FAM149A: variants seen among roughly 807,000 people sequenced by gnomAD.
The protein encoded by FAM149A is family with sequence similarity 149 member A.
Under a neutral mutation model 78.2 loss-of-function variants are expected in FAM149A, and 71 were observed. That is an observed-to-expected ratio of 0.91 (90% CI 0.75 to 1.11). FAM149A has a LOEUF of 1.11. Ranked by LOEUF, FAM149A falls within the 50% of genes least tolerant of loss-of-function variation. FAM149A has a pLI of 0.00. For missense variants in FAM149A, 1,036 were observed against 971.0 expected, an observed-to-expected ratio of 1.07 and a Z score of -0.89; for synonymous variants, 446 against 410.5, an observed-to-expected ratio of 1.09 and a Z score of -1.04.
chr4:186,119,133 A>G lies in FAM149A; in HGVS notation c.566+13491A>G, dbSNP rs371345914. 1.2e-4 allele frequency among the ~76,000 whole-genome samples: 18 copies of G among 152,294 alleles called. 1 individual carries two copies. Among genetic ancestry groups the G allele is most frequent in the African/African-American group, 4.1e-4 (17 of 41,568 alleles). ...TTCATTTCACGCAGTCAAACCACGC[A>G]CCTTTTTGGATATGCAGAATTTTAC... On this transcript the variant is annotated intron_variant, in intron 1 of 13. Transcript: ENST00000389354.
chr4:186,133,274 T>G, intron 1 of FAM149A: 1 of 854,104 alleles, frequency 1.2e-6, no homozygotes, highest in Non-Finnish European at 1.4e-6. Flanking sequence ...ATTCACAGTG[T>G]TGTGCAGTCA....
intron 1 of FAM149A, among the ~76,000 whole-genome samples, chr4:186,140,147 T>C (rs1386617701): frequency 2.0e-5 from 3 of 152,258 alleles, no homozygotes; most frequent in Non-Finnish European, 2.9e-5. Flanking sequence ...CATTAAGTTA[T>C]CAGCTCAGGA....
intron 8 of FAM149A, among the ~76,000 whole-genome samples, chr4:186,161,568 C>T (rs2126523149): frequency 6.6e-6 from 1 of 152,220 alleles, no homozygotes. Flanking sequence ...GTATGAATAT[C>T]ACACAAAGAG....
rs1442066496 is a variant in FAM149A, at chr4:186,157,653, TG to T, written c.1511del (p.Gly504AlafsTer18). Reference sequence around the variant, plus strand: ...CACACGCTCACGCCGATGGAGCCAGTGGCCCCCCGTCCGGACACGCCGAGGC... The same window carrying T: ...CACACGCTCACGCCGATGGAGCCAGTGCCCCCCGTCCGGACACGCCGAGGC... On this transcript the variant is annotated frameshift_variant, in exon 8 of 14. Transcript: ENST00000389354. LOFTEE classifies it high-confidence loss of function. The T allele has an allele frequency of 6.2e-7, 1 of 1,614,128 alleles. No individual in the cohort carries two copies. Among genetic ancestry groups the T allele is most frequent in the South Asian group, 1.1e-5 (1 of 91,072 alleles).
At chr4:186,149,049 G>A (rs1178010245) in intron 1 of FAM149A, 124 bp from the exon 2 acceptor site, 1 of 529,472 alleles carries the variant, frequency 1.9e-6, no homozygotes, top group Non-Finnish European at 2.9e-6. Context: ...TGCACAGGTG[G>A]GTTTGGAGGG....
intron 8 of FAM149A, 35 bp from the exon 9 acceptor site, chr4:186,162,810 C>CTTTTTTTTTTTTTTTTTTTTTTTT (rs56973296): frequency 5.3e-6 from 3 of 563,120 alleles, no homozygotes; most frequent in South Asian, 1.9e-5. Flanking sequence ...ATTTGTAATT[C>CTTTTTTTTTTTTTTTTTTTTTTTT]TTTTTTTTTT....
At position 186,105,686 on chromosome 4, in the gene FAM149A, C is replaced by T. The variant is rs2099308450; in HGVS notation, c.566+44C>T. 9 of 1,025,636 alleles carry T rather than the reference C, an allele frequency of 8.8e-6. No individual in the cohort carries two copies. In the South Asian group the frequency reaches 1.2e-4, roughly 14 times the overall value. 63.5% of individuals were successfully genotyped at this position (1,025,636 alleles called of 1,614,324 possible). A position where few individuals can be genotyped will look rare whatever the true frequency, so the allele number is the denominator to read the frequency against. ...CGGGCGCGTGTACCTTTTGCCGGGA[C>T]CCCCGACCCCTCCGCCTGCCGCACT... On this transcript the variant is annotated intron_variant, in intron 1 of 13. Coordinates refer to ENST00000389354, the MANE Select transcript of FAM149A (RefSeq NM_001367768.3).
At chr4:186,137,503 G>T (rs778845815) in intron 1 of FAM149A, among the ~76,000 whole-genome samples, 1 of 152,020 alleles carries the variant, frequency 6.6e-6, no homozygotes, top group Non-Finnish European at 1.5e-5. Flanking sequence ...ATTGAGACAG[G>T]ATTCCCTATC....
At position 186,105,145 on chromosome 4, in the gene FAM149A, C is replaced by T. The variant is rs1446819477; in HGVS notation, c.69C>T (p.Pro23=). The change falls in exon 1 of 14, where the codon CCC becomes CCT. Residue 23 remains proline (P), a synonymous_variant. Transcript: ENST00000389354. ...TCTTCGAGACCTCGACGGCGCCCCC[C>T]GCAGGCCCCTCCTCCAGACCCTCGG... is the stretch of plus-strand genomic sequence containing the variant. 4.7e-6 allele frequency: 6 copies of T among 1,280,170 alleles called. No homozygotes were observed. In the Admixed American group the frequency reaches 9.3e-5, roughly 20 times the overall value. The allele number at this position is 1,280,170 out of a possible 1,614,324, so 79.3% of individuals were successfully genotyped here.
intron 1 of FAM149A, among the ~76,000 whole-genome samples, chr4:186,137,000 C>CTCTCTCTCTCTCTCTTTCTCTCTCTT (rs1561396555): frequency 3.7e-5 from 5 of 136,848 alleles, no homozygotes; most frequent in African/African-American, 1.4e-4. Context: ...CTCTCTCTCT[C>CTCTCTCTCTCTCTCTTTCTCTCTCTT]TCTCTCTCTC....
At chr4:186,162,547 G>T (rs567155340) in intron 8 of FAM149A, among the ~76,000 whole-genome samples, 1 of 152,136 alleles carries the variant, frequency 6.6e-6, no homozygotes, top group Non-Finnish European at 1.5e-5. Flanking sequence ...GGCTGGTGGC[G>T]TTCCTACCCC....
intron 13 of FAM149A, among the ~76,000 whole-genome samples, chr4:186,170,689 A>G (rs570109595): frequency 2.8e-4 from 42 of 152,298 alleles, no homozygotes; most frequent in Non-Finnish European, 4.3e-4. Context: ...ACCAAGGGAC[A>G]GGAAACCTCA....
intron 1 of FAM149A, chr4:186,127,748 C>T (rs1407810225): frequency 2.2e-5 from 19 of 855,596 alleles, no homozygotes; most frequent in Middle Eastern, 6.0e-4. Flanking sequence ...TGCAGTGGCA[C>T]GATCTCTGCT....
intron 1 of FAM149A, among the ~76,000 whole-genome samples, chr4:186,139,865 G>A (rs1402856053): frequency 6.6e-6 from 1 of 152,146 alleles, no homozygotes; most frequent in Admixed American, 6.5e-5. Context: ...CAGTTTATAT[G>A]ATACCCATGT....
Position 186,144,878 on chromosome 4 carries a change from G to T in FAM149A, c.567-4295G>T, listed in dbSNP as rs1237194182. On this transcript the variant is annotated intron_variant, in intron 1 of 13. Coordinates refer to ENST00000389354, the MANE Select transcript of FAM149A (RefSeq NM_001367768.3). The surrounding 1 kb of genome is among the most constrained non-coding windows in gnomAD (Gnocchi z 4.2). Reference sequence around the variant, plus strand: ...GAGAGGGAAGGGGCGTGCGAGCCCCGCGGACCCCGGGCGCGCCCGGGCCGC... The same window carrying T: ...GAGAGGGAAGGGGCGTGCGAGCCCCTCGGACCCCGGGCGCGCCCGGGCCGC... 2 of 973,630 alleles carry T rather than the reference G, an allele frequency of 2.1e-6. No homozygotes were observed. The highest frequency in any genetic ancestry group is 2.4e-6 in the Non-Finnish European group (2 of 824,990). 60.3% of individuals were successfully genotyped at this position (973,630 alleles called of 1,614,324 possible).
At chr4:186,139,948 T>C (rs2099325099) in intron 1 of FAM149A, among the ~76,000 whole-genome samples, 1 of 152,218 alleles carries the variant, frequency 6.6e-6, no homozygotes, top group Admixed American at 6.5e-5. Context: ...TTGCATAATA[T>C]TAAAATGAAC....
chr4:186,116,859 T>C (rs72708987), intron 1 of FAM149A: 76,878 of 641,448 alleles, frequency 0.12, 4,892 homozygotes, highest in East Asian at 0.19. Context: ...TGTGCCAAGC[T>C]CATAATGATA....
rs920095946 is a variant in FAM149A, at chr4:186,151,117, G to C, written c.790-786G>C. On this transcript the variant is annotated intron_variant, in intron 3 of 13. Coordinates refer to ENST00000389354, the MANE Select transcript of FAM149A (RefSeq NM_001367768.3). ...GGAGCCGGCAGGGCAGGTGCACCGA[G>C]GGGGTCTGAAAGGGACTCAGCTCAG... 8 of 953,604 alleles carry C rather than the reference G, an allele frequency of 8.4e-6. No homozygotes were observed. In the African/African-American group the frequency reaches 1.2e-4, roughly 15 times the overall value. 59.1% of individuals were successfully genotyped at this position (953,604 alleles called of 1,614,324 possible).
chr4:186,157,333 G>A (rs1734114390), intron 7 of FAM149A, among the ~76,000 whole-genome samples: 1 of 152,152 alleles, frequency 6.6e-6, no homozygotes, highest in Non-Finnish European at 1.5e-5. Context: ...TTTATCATGT[G>A]CTGAGAATCT....
Sources: allele counts gnomAD v4.1 joint callset (sites outside exome capture counted in the v4.1 genomes callset), GRCh38; gene constraint gnomAD v4.1.1; non-coding constraint Gnocchi (gnomAD v3.1); transcripts MANE v1.5; gene names NCBI Gene and HGNC (gene_info 2026-07-23, HGNC 2026-07-21).